The following NEBL variants were observed in gnomAD, a reference collection of about 807,000 sequenced individuals.
NEBL encodes the protein nebulette.
NEBL carries 122 observed loss-of-function variants against 140.2 expected under a neutral mutation model. The ratio of observed to expected loss-of-function variants is 0.87; its 90% CI spans 0.75 to 1.01. NEBL has a LOEUF of 1.01. Ranked by LOEUF, NEBL falls within the 50% of genes least tolerant of loss-of-function variation. NEBL has a pLI of 0.00. For synonymous variants in NEBL, 436 were observed against 398.9 expected, an observed-to-expected ratio of 1.09 and a Z score of -1.11; for missense variants, 1,365 against 1,231.3, an observed-to-expected ratio of 1.11 and a Z score of -1.62.
intron 3 of NEBL, among the ~76,000 whole-genome samples, chr10:21,017,398 C>T (rs2131759604): frequency 6.6e-6 from 1 of 152,208 alleles, no homozygotes; most frequent in Middle Eastern, 3.4e-3. Context: ...AAGAACACGA[C>T]ATTTGAGCAA....
chr10:20,878,290 CAT>C (rs1480066838), intron 5 of NEBL, among the ~76,000 whole-genome samples: 1 of 152,136 alleles, frequency 6.6e-6, no homozygotes, highest in Non-Finnish European at 1.5e-5. Flanking sequence ...TTGGTGGAAA[CAT>C]AAAAAAGTTA....
At chr10:21,152,542 T>G (rs1589289615) in intron 2 of NEBL, among the ~76,000 whole-genome samples, 1 of 148,994 alleles carries the variant, frequency 6.7e-6, no homozygotes, top group Admixed American at 6.7e-5. Context: ...GCTACTGCAC[T>G]CCAGCCTAGG....
intron 2 of NEBL, among the ~76,000 whole-genome samples, chr10:21,121,524 T>A (rs1838572883): frequency 6.6e-6 from 1 of 152,222 alleles, no homozygotes; most frequent in South Asian, 2.1e-4. Flanking sequence ...AAAGTCCAAA[T>A]CAATGTATGC....
intron 2 of NEBL, among the ~76,000 whole-genome samples, chr10:21,101,140 C>G (rs1837458762): frequency 6.6e-6 from 1 of 152,178 alleles, no homozygotes; most frequent in Admixed American, 6.5e-5. Context: ...TGACTCAAGT[C>G]TCCCCTCTGT....
At chr10:21,106,111 CA>C (rs1837706384) in intron 2 of NEBL, among the ~76,000 whole-genome samples, 1 of 151,858 alleles carries the variant, frequency 6.6e-6, no homozygotes, top group Non-Finnish European at 1.5e-5. Flanking sequence ...GGGCAGATTG[CA>C]AAGATTTTCT....
intron 2 of NEBL, among the ~76,000 whole-genome samples, chr10:21,134,539 G>A (rs1051147160): frequency 3.3e-5 from 5 of 152,140 alleles, no homozygotes; most frequent in African/African-American, 1.2e-4. Context: ...GCAACTTTAA[G>A]TCTTCTTCCA....
At chr10:21,113,050 G>A (rs1589247159) in intron 2 of NEBL, 1 of 213,626 alleles carries the variant, frequency 4.7e-6, no homozygotes, top group Non-Finnish European at 9.1e-6. Context: ...GGGAGGGGGA[G>A]CAGGAGGAGG....
chr10:20,850,631 T>C (rs1842418096), intron 10 of NEBL, 129 bp from the exon 11 acceptor site: 2 of 660,284 alleles, frequency 3.0e-6, no homozygotes, highest in African/African-American at 3.6e-5. Flanking sequence ...CCATTTAGGT[T>C]GAGCACTGGG....
At chr10:20,966,326 C>A (rs1299789935) in intron 3 of NEBL, among the ~76,000 whole-genome samples, 1 of 152,194 alleles carries the variant, frequency 6.6e-6, no homozygotes, top group East Asian at 1.9e-4. Flanking sequence ...TAAACCGATT[C>A]TTTTCTGTGA....
chr10:21,221,902 A>C (rs1162613596), intron 3 of NEBL, among the ~76,000 whole-genome samples: 1 of 151,972 alleles, frequency 6.6e-6, no homozygotes, highest in Non-Finnish European at 1.5e-5. Context: ...TTACATAAAC[A>C]CTGAGACCTA....
chr10:20,903,359 A>T (rs1361557965), intron 4 of NEBL, among the ~76,000 whole-genome samples: 1 of 152,206 alleles, frequency 6.6e-6, no homozygotes, highest in Non-Finnish European at 1.5e-5. Flanking sequence ...AAAAAGTCAA[A>T]AAACAATAGA....
intron 3 of NEBL, among the ~76,000 whole-genome samples, chr10:21,230,891 C>G (rs1842240617): frequency 6.6e-6 from 1 of 152,072 alleles, no homozygotes; most frequent in Non-Finnish European, 1.5e-5. Context: ...AGGCATGAGC[C>G]ACTGTGCCTA....
intron 2 of NEBL, among the ~76,000 whole-genome samples, chr10:21,086,505 T>G (rs767651352): frequency 4.6e-5 from 7 of 152,202 alleles, no homozygotes; most frequent in Admixed American, 1.3e-4. Context: ...TAGTCGGGCA[T>G]GGTGGCTCAC....
At chr10:20,808,913 A>C (rs1425279145) in intron 25 of NEBL, among the ~76,000 whole-genome samples, 1 of 152,230 alleles carries the variant, frequency 6.6e-6, no homozygotes, top group Non-Finnish European at 1.5e-5. Flanking sequence ...ATTGACAAGG[A>C]CAAAGAAAAC....
intron 2 of NEBL, among the ~76,000 whole-genome samples, chr10:21,054,398 C>T (rs868811936): frequency 4.6e-5 from 7 of 152,268 alleles, no homozygotes; most frequent in East Asian, 1.9e-4. Context: ...TTGTCCGGAA[C>T]GTTCCAAGTC....
At chr10:20,869,981 C>A in intron 5 of NEBL, 140 bp from the exon 6 acceptor site, 1 of 679,842 alleles carries the variant, frequency 1.5e-6, no homozygotes, top group Non-Finnish European at 2.7e-6. Flanking sequence ...TTTTGTGCAT[C>A]TATTTGTATA....
chr10:21,251,129 TG>T (rs533133012), intron 2 of NEBL, among the ~76,000 whole-genome samples: 1,640 of 152,328 alleles, frequency 0.011, 31 homozygotes, highest in African/African-American at 0.038. Context: ...TATTTTTGCT[TG>T]TGATATTTTA....
upstream of NEBL, among the ~76,000 whole-genome samples, chr10:20,900,486 T>A (rs760366739): frequency 6.6e-5 from 10 of 152,042 alleles, no homozygotes; most frequent in African/African-American, 1.7e-4. Context: ...GAGACCAGCC[T>A]GACCAACATG....
chr10:21,021,410 C>T lies in NEBL; in HGVS notation c.165-1209G>A. Reference sequence around the variant, plus strand: ...GGAATAAAGTCTGGCCTCCTGTCTGCCAAGGCCCCCATGGCCAGGCCTCTG... The same window carrying T: ...GGAATAAAGTCTGGCCTCCTGTCTGTCAAGGCCCCCATGGCCAGGCCTCTG... On this transcript the variant is annotated intron_variant, in intron 2 of 6. Coordinates refer to the NEBL transcript ENST00000417816. 1.3e-5 allele frequency among the ~76,000 whole-genome samples: 2 copies of T among 152,184 alleles called. 1 individual carries two copies. The highest frequency in any genetic ancestry group is 3.9e-4 in the East Asian group (2 of 5,182).
Sources: allele counts gnomAD v4.1 joint callset (sites outside exome capture counted in the v4.1 genomes callset), GRCh38; gene constraint gnomAD v4.1.1; transcripts MANE v1.5; gene names NCBI Gene and HGNC (gene_info 2026-07-23, HGNC 2026-07-21).